RBP7: variants seen among roughly 807,000 people sequenced by gnomAD.
RBP7 encodes the protein retinol binding protein 7.
RBP7 carries 13 observed loss-of-function variants against 16.7 expected under a neutral mutation model. The observed-to-expected ratio is 0.78, with a 90% CI of 0.51 to 1.24. RBP7 has a LOEUF of 1.24. Ranked by LOEUF, RBP7 falls within the 50% of genes most tolerant of loss-of-function variation. The pLI is 0.00. For synonymous variants in RBP7, 54 were observed against 56.2 expected (o/e 0.96, Z 0.17); for missense variants, 145 against 159.5 (o/e 0.91, Z 0.49).
rs1366181848 is a variant in RBP7 at position 9,997,338 on chromosome 1, C to T, written c.73+7C>T. 2 of 1,609,734 alleles carry T rather than the reference C, an allele frequency of 1.2e-6. No individual in the cohort carries two copies. The highest frequency in any genetic ancestry group is 1.7e-6 in the Non-Finnish European group (2 of 1,178,482). ...GGCTACATGCTGGCCCTAGGTAAGG[C>T]GGAGGGGAGGCGGCGGCGGCGCGAG... On this transcript the variant is annotated splice_region_variant and intron_variant, in intron 1 of 3. Transcript: ENST00000294435. This position sits in a 1 kb window ranked among gnomAD's most constrained non-coding sequence, Gnocchi z 5.9.
chr1:10,004,647 A>T, intron 1 of RBP7, among the ~76,000 whole-genome samples: 1 of 152,214 alleles, frequency 6.6e-6, no homozygotes, highest in East Asian at 1.9e-4. Flanking sequence ...GGCATGAGCA[A>T]CCGTGCCCGG....
At chr1:9,998,413 T>TCTTTTTC (rs1331526613) in intron 1 of RBP7, among the ~76,000 whole-genome samples, 1 of 144,204 alleles carries the variant, frequency 6.9e-6, no homozygotes, top group Non-Finnish European at 1.5e-5. Flanking sequence ...CTTTCTTTTT[T>TCTTTTTC]TTTTTTTTTT....
chr1:10,008,419 A>G (rs11121514), intron 3 of RBP7, 145 bp downstream of exon 3: 106,117 of 493,264 alleles, frequency 0.22, 17,961 homozygotes, highest in African/African-American at 0.61. Context: ...AGCCTGGCCA[A>G]CATGGTGAAA....
chr1:10,014,579 G>A (rs557473405), intron 3 of RBP7, among the ~76,000 whole-genome samples: 9 of 151,980 alleles, frequency 5.9e-5, no homozygotes, highest in African/African-American at 1.4e-4. Flanking sequence ...TACAGACAGG[G>A]TTTTGCCATG....
chr1:10,010,283 T>C (rs1045475225), intron 3 of RBP7, among the ~76,000 whole-genome samples: 1 of 151,744 alleles, frequency 6.6e-6, no homozygotes, highest in African/African-American at 2.4e-5. Flanking sequence ...ACCTGGGTAA[T>C]TTTTGTATTT....
intron 3 of RBP7, 62 bp downstream of exon 3, chr1:10,008,336 C>A (rs1050040756): frequency 2.7e-6 from 3 of 1,104,706 alleles, no homozygotes; most frequent in Non-Finnish European, 4.1e-6. Flanking sequence ...TCAGGCCAAG[C>A]GTGGTGGCTC....
In RBP7 at chr1:9,997,421, C is replaced by T; in HGVS notation, c.73+90C>T. ...GGCCGGGCCGGGCCTGTAGGTACGT[C>T]CTCTGTCCGTGCCTCCGCCCTGCTG... On this transcript the variant is annotated intron_variant, in intron 1 of 3. Transcript: ENST00000294435. The surrounding 1 kb of genome is among the most constrained non-coding windows in gnomAD (Gnocchi z 5.9). 2 of 1,279,766 alleles carry T rather than the reference C, an allele frequency of 1.6e-6. No homozygotes were observed. Among genetic ancestry groups the T allele is most frequent in the South Asian group, 2.5e-5 (2 of 81,546 alleles). The allele number at this position is 1,279,766 out of a possible 1,614,324, so 79.3% of individuals were successfully genotyped here.
At chr1:10,013,320 C>G (rs1015074656) in intron 3 of RBP7, among the ~76,000 whole-genome samples, 3 of 151,954 alleles carry the variant, frequency 2.0e-5, no homozygotes, top group Admixed American at 6.6e-5. Flanking sequence ...TGATCCACCC[C>G]CCTCAGCCTC....
intron 3 of RBP7, among the ~76,000 whole-genome samples, chr1:10,012,927 G>A (rs1642666848): frequency 1.8e-5 from 2 of 110,414 alleles, no homozygotes; most frequent in African/African-American, 4.5e-5. Context: ...GATGACAAGA[G>A]TGAAACTGTC....
intron 1 of RBP7, among the ~76,000 whole-genome samples, chr1:10,005,681 A>G (rs1254624698): frequency 6.6e-6 from 1 of 151,008 alleles, no homozygotes; most frequent in Non-Finnish European, 1.5e-5. Context: ...CTCCTGCCAC[A>G]GTCTCCCGAG....
intron 3 of RBP7, among the ~76,000 whole-genome samples, chr1:10,008,613 G>A (rs1378882185): frequency 6.6e-6 from 1 of 151,118 alleles, no homozygotes; most frequent in Non-Finnish European, 1.5e-5. Flanking sequence ...GCTAATTTTT[G>A]TATTTTTAGT....
At chr1:10,008,421 A>G (rs1642507734) in intron 3 of RBP7, 147 bp downstream of exon 3, 2 of 481,750 alleles carry the variant, frequency 4.2e-6, no homozygotes, top group Admixed American at 3.3e-5. Flanking sequence ...CCTGGCCAAC[A>G]TGGTGAAACC....
intron 1 of RBP7, among the ~76,000 whole-genome samples, chr1:9,998,786 AAG>A (rs755003198): frequency 2.0e-5 from 3 of 152,132 alleles, no homozygotes; most frequent in Non-Finnish European, 4.4e-5. Flanking sequence ...CCCAAGAGAT[AAG>A]AGTGTTCCTC....
intron 3 of RBP7, among the ~76,000 whole-genome samples, chr1:10,011,618 T>A (rs1642622855): frequency 6.6e-6 from 1 of 152,194 alleles, no homozygotes. Flanking sequence ...TGCCTCACTG[T>A]ATGTGTGAAA....
rs1196037821 is a variant in RBP7 at position 10,015,895 on chromosome 1, G to T, written c.*63G>T. ...TTTATGCCAAATTATATTGCAGACTGAACAGACGTTTATCTATCCCATTTG... is the reference window on the plus strand; with the variant it reads ...TTTATGCCAAATTATATTGCAGACTTAACAGACGTTTATCTATCCCATTTG... On this transcript the variant is annotated 3_prime_UTR_variant, in exon 4 of 4. Coordinates refer to ENST00000294435, the MANE Select transcript of RBP7 (RefSeq NM_052960.3). The T allele has an allele frequency of 6.7e-7, 1 of 1,483,544 alleles. No homozygotes were observed. The highest frequency in any genetic ancestry group is 9.4e-7 in the Non-Finnish European group (1 of 1,062,862). 91.9% of individuals were successfully genotyped at this position (1,483,544 alleles called of 1,614,324 possible). A position where few individuals can be genotyped will look rare whatever the true frequency, so the allele number is the denominator to read the frequency against.
Position 9,997,445 on chromosome 1 carries a change from T to TGC in RBP7, c.73+117_73+118dup. 1 of 1,002,978 alleles carries TGC rather than the reference T, an allele frequency of 1.0e-6. No homozygotes were observed. Among genetic ancestry groups the TGC allele is most frequent in the East Asian group, 2.8e-5 (1 of 35,458 alleles). 62.1% of individuals were successfully genotyped at this position (1,002,978 alleles called of 1,614,324 possible). ...TCCTCTGTCCGTGCCTCCGCCCTGC[T>TGC]GCGCCCACCGTCGCCCAGTCGCCCC... On this transcript the variant is annotated intron_variant, in intron 1 of 3. Transcript: ENST00000294435. The surrounding 1 kb of genome is among the most constrained non-coding windows in gnomAD (Gnocchi z 5.9).
intron 3 of RBP7, among the ~76,000 whole-genome samples, chr1:10,008,601 C>T (rs1642519079): frequency 6.6e-6 from 1 of 151,634 alleles, no homozygotes; most frequent in African/African-American, 2.4e-5. Context: ...CCACCACACC[C>T]AGCTAATTTT....
chr1:10,008,043 G>T (rs901601217), intron 2 of RBP7, 130 bp from the exon 3 acceptor site: 10 of 639,226 alleles, frequency 1.6e-5, no homozygotes, highest in Non-Finnish European at 2.7e-5. Context: ...GACAGAGTGG[G>T]ACTCCATCTC....
intron 3 of RBP7, among the ~76,000 whole-genome samples, chr1:10,008,867 A>G (rs1190634318): frequency 1.3e-5 from 2 of 152,170 alleles, no homozygotes; most frequent in Admixed American, 1.3e-4. Context: ...GCAAATACTC[A>G]TGGAACAATT....
Sources: allele counts gnomAD v4.1 joint callset (sites outside exome capture counted in the v4.1 genomes callset), GRCh38; gene constraint gnomAD v4.1.1; non-coding constraint Gnocchi (gnomAD v3.1); transcripts MANE v1.5; gene names NCBI Gene and HGNC (gene_info 2026-07-23, HGNC 2026-07-21).